RDX: variants seen among roughly 807,000 people sequenced by gnomAD.
RDX encodes radixin.
Under a neutral mutation model 83.7 loss-of-function variants are expected in RDX, and 32 were observed. The observed-to-expected ratio is 0.38, with a 90% CI of 0.29 to 0.51. The LOEUF is 0.51. Among genes scored for constraint, RDX ranks in the 20% least tolerant of loss-of-function variants. The pLI is 0.87. For missense variants in RDX, 600 were observed against 689.9 expected (o/e 0.87, Z 1.46); for synonymous variants, 229 against 222.7 (o/e 1.03, Z -0.25).
At chr11:110,190,829 T>C (rs367876079) in intron 15 of RDX, among the ~76,000 whole-genome samples, 5 of 152,152 alleles carry the variant, frequency 3.3e-5, no homozygotes, top group African/African-American at 1.2e-4. Flanking sequence ...GAGCACAAAC[T>C]AGAAAATCAA....
At chr11:110,197,061 G>T (rs1333138679) in intron 15 of RDX, among the ~76,000 whole-genome samples, 1 of 152,114 alleles carries the variant, frequency 6.6e-6, no homozygotes, top group East Asian at 1.9e-4. Flanking sequence ...ACTATGCTCA[G>T]ATAACTTTTT....
At chr11:110,214,189 C>G (rs1250745065) in intron 14 of RDX, among the ~76,000 whole-genome samples, 6 of 151,724 alleles carry the variant, frequency 4.0e-5, no homozygotes, top group Non-Finnish European at 8.8e-5. Flanking sequence ...AGGACGTGAA[C>G]AGACACTTCT....
intron 10 of RDX, 84 bp from the exon 11 acceptor site, chr11:110,237,736 T>G: frequency 1.4e-6 from 2 of 1,415,982 alleles, no homozygotes; most frequent in Non-Finnish European, 2.0e-6. Flanking sequence ...TAGCAAGAAA[T>G]CAAATCTGTT....
In RDX at chr11:110,253,937, A is replaced by AC. The variant is rs1232487645; in HGVS notation, c.959+8dup. 2 of 1,612,684 alleles carry AC rather than the reference A, an allele frequency of 1.2e-6. No individual in the cohort carries two copies. The highest frequency in any genetic ancestry group is 1.7e-6 in the Non-Finnish European group (2 of 1,179,268). ...ATCAATTAAAAGTGAAAGGTCATAA[A>AC]CCCCATACCTTTCCAACTGCTTCTG... On this transcript the variant is annotated intron_variant, in intron 9 of 13. Coordinates refer to ENST00000645495, the MANE Select transcript of RDX (RefSeq NM_002906.4).
At chr11:110,179,041 G>A (rs1264707004) in intron 15 of RDX, among the ~76,000 whole-genome samples, 12 of 152,132 alleles carry the variant, frequency 7.9e-5, no homozygotes, top group Admixed American at 7.9e-4. Context: ...ATTTTTACAT[G>A]GGTACCAAAT....
chr11:110,270,414 C>A (rs1486605129), intron 3 of RDX, among the ~76,000 whole-genome samples: 1 of 152,010 alleles, frequency 6.6e-6, no homozygotes, highest in Non-Finnish European at 1.5e-5. Context: ...TGGTATTACA[C>A]TCTTACGGGA....
At chr11:110,179,851 C>T (rs939741403) in intron 15 of RDX, 2 of 418,268 alleles carry the variant, frequency 4.8e-6, no homozygotes, top group East Asian at 1.4e-4. Context: ...AGCCTCTAGG[C>T]CTCCCTGCAG....
At chr11:110,262,884 T>C (rs1407120315) in intron 5 of RDX, among the ~76,000 whole-genome samples, 1 of 152,192 alleles carries the variant, frequency 6.6e-6, no homozygotes, top group Non-Finnish European at 1.5e-5. Context: ...CCATATTATT[T>C]TAAAATAGCC....
At chr11:110,194,952 G>GT (rs1863171893) in intron 15 of RDX, among the ~76,000 whole-genome samples, 1 of 151,632 alleles carries the variant, frequency 6.6e-6, no homozygotes, top group South Asian at 2.1e-4. Flanking sequence ...CTTGAAGGCT[G>GT]TAAGAGTGAC....
At chr11:110,282,648 T>G (rs974357478) in intron 1 of RDX, among the ~76,000 whole-genome samples, 1 of 152,138 alleles carries the variant, frequency 6.6e-6, no homozygotes, top group Non-Finnish European at 1.5e-5. Flanking sequence ...CATAGGAAGA[T>G]ATTCACAAAC....
At chr11:110,218,581 A>C (rs1591520042) in intron 14 of RDX, among the ~76,000 whole-genome samples, 1 of 152,330 alleles carries the variant, frequency 6.6e-6, no homozygotes, top group African/African-American at 2.4e-5. Context: ...TGTCACAGGC[A>C]CACCCAAACC....
chr11:110,209,193 G>C (rs1024475632), intron 14 of RDX, among the ~76,000 whole-genome samples: 77 of 152,306 alleles, frequency 5.1e-4, no homozygotes, highest in African/African-American at 1.8e-3. Context: ...AAGAGGTCAG[G>C]GAGTTCCCTT....
chr11:110,250,611 T>C (rs1002178089), intron 9 of RDX, among the ~76,000 whole-genome samples: 8 of 152,112 alleles, frequency 5.3e-5, no homozygotes, highest in Admixed American at 3.9e-4. Context: ...TGATGTTTCA[T>C]TTGTTCTTCA....
At chr11:110,211,884 A>T (rs2134257550) in intron 14 of RDX, among the ~76,000 whole-genome samples, 1 of 150,900 alleles carries the variant, frequency 6.6e-6, no homozygotes, top group Admixed American at 6.6e-5. Flanking sequence ...AGAAAGCAGG[A>T]AAGATCCAAA....
chr11:110,273,393 C>A (rs546964247), intron 2 of RDX, among the ~76,000 whole-genome samples: 1 of 152,126 alleles, frequency 6.6e-6, no homozygotes, highest in African/African-American at 2.4e-5. Flanking sequence ...GCTTTATTTG[C>A]TAGATTCTAT....
chr11:110,263,805 T>G (rs1591164816), intron 5 of RDX, among the ~76,000 whole-genome samples, 155 bp downstream of exon 5: 1 of 151,294 alleles, frequency 6.6e-6, no homozygotes, highest in African/African-American at 2.4e-5. Flanking sequence ...GAGGCAGAGG[T>G]TGCAGTGGGC....
chr11:110,218,119 T>C (rs752297185), intron 14 of RDX, among the ~76,000 whole-genome samples: 1 of 152,166 alleles, frequency 6.6e-6, no homozygotes, highest in Non-Finnish European at 1.5e-5. Flanking sequence ...TGAGCAGGGG[T>C]ATGGAGTGGG....
intron 13 of RDX, among the ~76,000 whole-genome samples, 161 bp downstream of exon 13, chr11:110,233,076 C>T (rs1201793610): frequency 1.3e-5 from 2 of 152,094 alleles, no homozygotes; most frequent in Non-Finnish European, 2.9e-5. Context: ...GTTCACACAA[C>T]GGAAGAAATG....
chr11:110,192,317 G>A (rs970972159), intron 15 of RDX, among the ~76,000 whole-genome samples: 2 of 152,182 alleles, frequency 1.3e-5, no homozygotes, highest in African/African-American at 4.8e-5. Context: ...ATGGTGTTGG[G>A]ATAACTGGCT....
Sources: gnomAD v4.1 joint callset for allele counts (sites outside exome capture counted in the v4.1 genomes callset) on GRCh38, gnomAD v4.1.1 for gene constraint, MANE v1.5 for transcripts, NCBI Gene and HGNC (gene_info 2026-07-23, HGNC 2026-07-21) for gene names.